Variants in INSR observed in about 807,000 individuals in gnomAD.
The protein encoded by INSR is insulin receptor.
INSR carries 67 observed loss-of-function variants against 142.6 expected under a neutral mutation model. The observed-to-expected ratio is 0.47, with a 90% CI of 0.39 to 0.58. The LOEUF (loss-of-function observed/expected upper bound fraction) is 0.58, where lower values mean the gene tolerates loss of function less well. Among genes scored for constraint, INSR ranks in the 20% least tolerant of loss-of-function variants. The probability of loss-of-function intolerance (pLI) is 0.00; values close to 1 mark genes in which losing one functional copy is unlikely to be tolerated. For synonymous variants in INSR, 756 were observed against 743.1 expected, an observed-to-expected ratio of 1.02 and a Z score of -0.28; for missense variants, 1,248 against 1,833.2, an observed-to-expected ratio of 0.68 and a Z score of 5.83.
At chr19:7,292,239 C>T (rs1177924709) in intron 1 of INSR, among the ~76,000 whole-genome samples, 1 of 151,668 alleles carries the variant, frequency 6.6e-6, no homozygotes, top group Non-Finnish European at 1.5e-5. Flanking sequence ...TACAGGCGAA[C>T]GCCACCAAAC....
intron 2 of INSR, among the ~76,000 whole-genome samples, chr19:7,259,261 A>T (rs1188757794): frequency 8.1e-6 from 1 of 123,640 alleles, no homozygotes; most frequent in Non-Finnish European, 1.9e-5. Context: ...TAAGACACAA[A>T]GGTAAAGAGC....
intron 10 of INSR, among the ~76,000 whole-genome samples, chr19:7,151,751 AGT>A (rs1240927067): frequency 6.6e-6 from 1 of 152,056 alleles, no homozygotes; most frequent in Admixed American, 6.6e-5. Context: ...CTGGGAGAAA[AGT>A]CTGCTCGGAT....
intron 1 of INSR, among the ~76,000 whole-genome samples, chr19:7,292,869 T>C (rs573781187): frequency 8.5e-4 from 130 of 152,112 alleles, no homozygotes; most frequent in African/African-American, 3.0e-3. Flanking sequence ...AAAGGCTCCT[T>C]CATGAAGCGC....
At chr19:7,177,597 G>A (rs1378873393) in intron 3 of INSR, among the ~76,000 whole-genome samples, 8 of 151,504 alleles carry the variant, frequency 5.3e-5, no homozygotes, top group African/African-American at 1.2e-4. Context: ...GCACGATCTC[G>A]GCTCACTGCA....
intron 17 of INSR, chr19:7,123,220 G>A (rs1972538686): frequency 1.9e-6 from 1 of 514,506 alleles, no homozygotes; most frequent in East Asian, 3.5e-5. Context: ...CCAGGCTAGA[G>A]TGCAGTGGCG....
chr19:7,162,510 CAAA>C (rs34535970), intron 9 of INSR, among the ~76,000 whole-genome samples: 71 of 118,160 alleles, frequency 6.0e-4, no homozygotes, highest in African/African-American at 1.4e-3. Context: ...GACCCTGTCT[CAAA>C]AAAAAAAAAA....
At chr19:7,282,152 G>A (rs1968219151) in intron 1 of INSR, among the ~76,000 whole-genome samples, 1 of 151,900 alleles carries the variant, frequency 6.6e-6, no homozygotes. Flanking sequence ...ATCATTTGAG[G>A]TCAGGGGTTC....
intron 13 of INSR, among the ~76,000 whole-genome samples, chr19:7,137,923 A>G (rs902101851): frequency 6.7e-6 from 1 of 149,092 alleles, no homozygotes; most frequent in African/African-American, 2.5e-5. Context: ...ATCATAAGCT[A>G]GTCTGGATAC....
Position 7,125,198 on chromosome 19 carries a change from C to T in INSR, c.3258+85G>A. ...GTGGGTAGGAGGTTACACCCTGTGT[C>T]CTCTGTCGCTCTGTGCAGGAGGAGG... On this transcript the variant is annotated intron_variant, in intron 17 of 21. Coordinates refer to ENST00000302850, the MANE Select transcript of INSR (RefSeq NM_000208.4). The surrounding 1 kb of genome is among the most constrained non-coding windows in gnomAD (Gnocchi z 4.9). 1 of 1,551,400 alleles carries T rather than the reference C, an allele frequency of 6.4e-7. No individual in the cohort carries two copies. Among genetic ancestry groups the T allele is most frequent in the Non-Finnish European group, 8.8e-7 (1 of 1,130,294 alleles).
At chr19:7,141,124 C>T (rs1373218167) in intron 13 of INSR, among the ~76,000 whole-genome samples, 2 of 152,140 alleles carry the variant, frequency 1.3e-5, no homozygotes, top group Non-Finnish European at 2.9e-5. Flanking sequence ...CTCACTGCAA[C>T]CTCCACCTCC....
At chr19:7,231,589 C>T (rs950105138) in intron 2 of INSR, among the ~76,000 whole-genome samples, 1 of 152,046 alleles carries the variant, frequency 6.6e-6, no homozygotes, top group African/African-American at 2.4e-5. Flanking sequence ...ACATGAGCCA[C>T]GGCACCCGGC....
intron 2 of INSR, among the ~76,000 whole-genome samples, chr19:7,197,934 TGTGTGTGTGTGTGTCCCCATGGTGGGA>T (rs1426948174): frequency 3.5e-4 from 49 of 138,814 alleles, no homozygotes; most frequent in African/African-American, 1.1e-3. Flanking sequence ...TGTGTGTGTG[TGTGTGTGTGTGTGTCCCCATGGTGGGA>T]GTGTGTGTGT....
intron 13 of INSR, among the ~76,000 whole-genome samples, chr19:7,140,411 T>C (rs1247858711): frequency 6.6e-6 from 1 of 152,206 alleles, no homozygotes; most frequent in Non-Finnish European, 1.5e-5. Flanking sequence ...CTCAGTAGAA[T>C]GGTGGAATTG....
chr19:7,150,133 C>T lies in INSR; in HGVS notation c.2267+364G>A, dbSNP rs75846085. On this transcript the variant is annotated intron_variant, in intron 11 of 21. Transcript: ENST00000302850. This position sits in a 1 kb window ranked among gnomAD's most constrained non-coding sequence, Gnocchi z 4.2. ...GCTGCTGGGTCGGGGCACCCAGCCG[C>T]GGGGAGCTCAGACTCCGGGGACCCC... Among the ~76,000 whole-genome samples, 3 of 151,806 alleles carry T rather than the reference C, an allele frequency of 2.0e-5. No individual in the cohort carries two copies. The highest frequency in any genetic ancestry group is 4.4e-5 in the Non-Finnish European group (3 of 67,944).
intron 1 of INSR, among the ~76,000 whole-genome samples, chr19:7,272,030 C>T (rs1288660120): frequency 1.4e-5 from 2 of 144,024 alleles, no homozygotes; most frequent in African/African-American, 5.2e-5. Context: ...ACAGGCTGGC[C>T]GCAGTGGCTC....
At chr19:7,290,943 G>A (rs1053775047) in intron 1 of INSR, among the ~76,000 whole-genome samples, 9 of 151,836 alleles carry the variant, frequency 5.9e-5, no homozygotes, top group African/African-American at 1.5e-4. Context: ...TGTGGAACAC[G>A]CCTGTAATCC....
intron 9 of INSR, among the ~76,000 whole-genome samples, chr19:7,153,778 G>A (rs1337211007): frequency 2.6e-5 from 4 of 152,092 alleles, no homozygotes; most frequent in Non-Finnish European, 4.4e-5. Context: ...CACTTTCGGA[G>A]GCCGAGGTGT....
At chr19:7,288,097 T>C (rs1039825990) in intron 1 of INSR, among the ~76,000 whole-genome samples, 33 of 151,964 alleles carry the variant, frequency 2.2e-4, no homozygotes, top group African/African-American at 7.2e-4. Context: ...TGGTTCCTCA[T>C]GCCTATAATC....
At chr19:7,290,887 C>A (rs533407766) in intron 1 of INSR, among the ~76,000 whole-genome samples, 96 of 151,632 alleles carry the variant, frequency 6.3e-4, no homozygotes, top group African/African-American at 2.2e-3. Context: ...CTGGCTAACA[C>A]AGCAAAGCCC....
Sources: allele counts gnomAD v4.1 joint callset (sites outside exome capture counted in the v4.1 genomes callset), GRCh38; gene constraint gnomAD v4.1.1; non-coding constraint Gnocchi (gnomAD v3.1); transcripts MANE v1.5; gene names NCBI Gene and HGNC (gene_info 2026-07-23, HGNC 2026-07-21).